CFAP299: variants seen among roughly 807,000 people sequenced by gnomAD.
CFAP299 encodes cilia- and flagella-associated protein 299.
A neutral mutation model predicts 27.0 loss-of-function variants in CFAP299; 21 were observed. The observed-to-expected ratio is 0.78, with a 90% confidence interval of 0.55 to 1.12. CFAP299 has a LOEUF of 1.12. CFAP299 is among the 50% of genes most tolerant of loss of function. CFAP299 has a pLI of 0.00. For synonymous variants in CFAP299, 104 were observed against 98.1 expected (o/e 1.06, Z -0.36); for missense variants, 310 against 276.6 (o/e 1.12, Z -0.86).
intron 4 of CFAP299, among the ~76,000 whole-genome samples, chr4:80,912,154 AAT>A (rs1254571651): frequency 1.3e-5 from 2 of 152,198 alleles, no homozygotes; most frequent in Non-Finnish European, 2.9e-5. Flanking sequence ...TGAACAAAAT[AAT>A]AATTACATGC....
chr4:80,811,876 A>T (rs1015119116), intron 3 of CFAP299, among the ~76,000 whole-genome samples: 1 of 152,102 alleles, frequency 6.6e-6, no homozygotes, highest in Non-Finnish European at 1.5e-5. Flanking sequence ...GAGACAAGGA[A>T]CTAAACAAGT....
intron 2 of CFAP299, among the ~76,000 whole-genome samples, chr4:80,546,040 T>C (rs534471774): frequency 1.1e-4 from 17 of 152,062 alleles, no homozygotes; most frequent in Non-Finnish European, 1.5e-4. Flanking sequence ...AGACCTTTGG[T>C]AAAATTCATC....
chr4:80,549,040 G>A (rs1238599657), intron 2 of CFAP299, among the ~76,000 whole-genome samples: 2 of 152,082 alleles, frequency 1.3e-5, no homozygotes, highest in African/African-American at 4.8e-5. Flanking sequence ...TAGTCAGTGT[G>A]GGAGGAGAGT....
At chr4:80,453,249 G>T (rs1728983483) in intron 2 of CFAP299, among the ~76,000 whole-genome samples, 1 of 151,980 alleles carries the variant, frequency 6.6e-6, no homozygotes, top group South Asian at 2.1e-4. Context: ...AAAAGATCAT[G>T]CTTTTGTTTA....
At chr4:80,505,315 A>G (rs1041993213) in intron 2 of CFAP299, among the ~76,000 whole-genome samples, 1 of 152,094 alleles carries the variant, frequency 6.6e-6, no homozygotes, top group African/African-American at 2.4e-5. Flanking sequence ...TCTTTTCTGA[A>G]AAAGGAACTA....
At chr4:80,491,676 A>G (rs553770685) in intron 2 of CFAP299, among the ~76,000 whole-genome samples, 1 of 152,246 alleles carries the variant, frequency 6.6e-6, no homozygotes, top group East Asian at 1.9e-4. Context: ...CATGCCCTAT[A>G]AATCAGAAAT....
chr4:80,766,069 A>G (rs1338066827), intron 3 of CFAP299, among the ~76,000 whole-genome samples: 1 of 152,178 alleles, frequency 6.6e-6, no homozygotes, highest in Non-Finnish European at 1.5e-5. Context: ...TTAAGACTTG[A>G]GAAGCACAAT....
chr4:80,944,044 G>A (rs1321374443), intron 4 of CFAP299, among the ~76,000 whole-genome samples: 3 of 151,238 alleles, frequency 2.0e-5, no homozygotes, highest in Admixed American at 6.6e-5. Context: ...CCAGCCTGGA[G>A]ACAGAGCAAG....
chr4:80,525,073 C>G (rs1733103727), intron 2 of CFAP299, among the ~76,000 whole-genome samples: 2 of 152,156 alleles, frequency 1.3e-5, no homozygotes, highest in Admixed American at 6.6e-5. Flanking sequence ...CAGATCTCTC[C>G]ATAAGCAGTT....
chr4:80,509,860 AT>A (rs113779510), intron 2 of CFAP299, among the ~76,000 whole-genome samples: 12,275 of 145,144 alleles, frequency 0.085, 686 homozygotes, highest in East Asian at 0.26. Flanking sequence ...CTGCTGCCAG[AT>A]TTTTTTTTTT....
At chr4:80,836,618 A>T (rs1398696873) in intron 3 of CFAP299, among the ~76,000 whole-genome samples, 1 of 152,160 alleles carries the variant, frequency 6.6e-6, no homozygotes, top group African/African-American at 2.4e-5. Flanking sequence ...TATTGGGCTG[A>T]CCTGGATAAT....
intron 5 of CFAP299, among the ~76,000 whole-genome samples, chr4:80,953,117 A>G (rs1737867409): frequency 6.6e-6 from 1 of 152,218 alleles, no homozygotes; most frequent in South Asian, 2.1e-4. Flanking sequence ...TAAGTTTTAA[A>G]CAAGGTTATG....
At chr4:80,856,370 G>A (rs1207833004) in intron 3 of CFAP299, among the ~76,000 whole-genome samples, 1 of 150,510 alleles carries the variant, frequency 6.6e-6, no homozygotes, top group Non-Finnish European at 1.5e-5. Context: ...TCACTCTGAT[G>A]GTAGTTTCTT....
At chr4:80,694,881 A>G (rs1294852791) in intron 3 of CFAP299, among the ~76,000 whole-genome samples, 1 of 152,234 alleles carries the variant, frequency 6.6e-6, no homozygotes, top group Non-Finnish European at 1.5e-5. Context: ...TTGAGAATTC[A>G]AAACAGAAAT....
At chr4:80,838,502 A>G (rs1730686763) in intron 3 of CFAP299, among the ~76,000 whole-genome samples, 1 of 152,082 alleles carries the variant, frequency 6.6e-6, no homozygotes, top group African/African-American at 2.4e-5. Flanking sequence ...TTCCAACACC[A>G]TTTATGAAAT....
intron 3 of CFAP299, among the ~76,000 whole-genome samples, chr4:80,754,634 T>A (rs1327975938): frequency 6.6e-6 from 1 of 152,058 alleles, no homozygotes; most frequent in Non-Finnish European, 1.5e-5. Context: ...CTCTCATTGG[T>A]CTTTTTTGCA....
chr4:80,805,567 G>A (rs1167786008), intron 3 of CFAP299, among the ~76,000 whole-genome samples: 7 of 152,042 alleles, frequency 4.6e-5, no homozygotes, highest in Admixed American at 3.9e-4. Context: ...TCTTGGGCTG[G>A]GTGCAGTGGC....
At chr4:80,913,344 A>T (rs1410206455) in intron 4 of CFAP299, among the ~76,000 whole-genome samples, 1 of 152,182 alleles carries the variant, frequency 6.6e-6, no homozygotes, top group Non-Finnish European at 1.5e-5. Context: ...AGGAATTGTG[A>T]ATATTCTGGA....
chr4:80,576,047 A>G (rs944437178), intron 2 of CFAP299, among the ~76,000 whole-genome samples: 2 of 151,054 alleles, frequency 1.3e-5, no homozygotes, highest in African/African-American at 4.9e-5. Flanking sequence ...GGGTAGGGGG[A>G]TGGGGGAGGG....
Sources: allele counts gnomAD v4.1 joint callset (sites outside exome capture counted in the v4.1 genomes callset), GRCh38; gene constraint gnomAD v4.1.1; transcripts MANE v1.5; gene names NCBI Gene and HGNC (gene_info 2026-07-23, HGNC 2026-07-21).